FGF12: variants seen among roughly 807,000 people sequenced by gnomAD.
FGF12 encodes fibroblast growth factor 12B.
Under a neutral mutation model 23.6 loss-of-function variants are expected in FGF12, and 14 were observed. That is an observed-to-expected ratio of 0.59 (90% CI 0.39 to 0.93). The LOEUF is 0.93. Ranked by LOEUF, FGF12 falls within the 40% of genes least tolerant of loss-of-function variation. The pLI, the probability that FGF12 is intolerant of heterozygous loss-of-function variation, is 0.00. For synonymous variants in FGF12, 62 were observed against 77.3 expected, an observed-to-expected ratio of 0.80 and a Z score of 1.04; for missense variants, 175 against 217.8, an observed-to-expected ratio of 0.80 and a Z score of 1.24.
chr3:192,159,437 G>A (rs1439093903), intron 5 of FGF12, among the ~76,000 whole-genome samples: 8 of 152,108 alleles, frequency 5.3e-5, no homozygotes, highest in Non-Finnish European at 7.4e-5. Flanking sequence ...TCCTTTGCAG[G>A]AGCCTCCTTT....
chr3:192,219,747 G>A lies in FGF12; in HGVS notation c.229-49091C>T, dbSNP rs147950880. Among the ~76,000 whole-genome samples the A allele has an allele frequency of 2.9e-3, 443 of 152,322 alleles. 1 individual carries two copies. Among genetic ancestry groups the A allele is most frequent in the African/African-American group, 0.01 (432 of 41,582 alleles). On this transcript the variant is annotated intron_variant, in intron 4 of 5. Coordinates refer to ENST00000445105, the MANE Select transcript of FGF12 (RefSeq NM_004113.6). ...GAACAAGTGTTCCATAAATGTGCAT[G>A]TGATTCTGACTCACACTCACATTTG...
In FGF12 at chr3:192,655,118, G is replaced by A. The variant is rs115873675; in HGVS notation, c.13+72063C>T. ...CTTAAAGTCCTATTTTGTATATGGT[G>A]TATAAAACATCGATGACATAAATTC... is the stretch of plus-strand genomic sequence containing the variant. On this transcript the variant is annotated intron_variant, in intron 2 of 5. Coordinates refer to ENST00000445105, the MANE Select transcript of FGF12 (RefSeq NM_004113.6). Among the ~76,000 whole-genome samples, 1,293 of 152,206 alleles carry A rather than the reference G, an allele frequency of 8.5e-3. 15 individuals carry two copies. Among genetic ancestry groups the A allele is most frequent in the African/African-American group, 0.029 (1,221 of 41,492 alleles).
In FGF12 at chr3:192,250,019, T is replaced by G. The variant is rs74735852; in HGVS notation, c.229-79363A>C. 8.9e-3 allele frequency among the ~76,000 whole-genome samples: 1,363 copies of G among 152,300 alleles called. 18 individuals are homozygous for G. The highest frequency in any genetic ancestry group is 0.031 in the African/African-American group (1,291 of 41,570). On this transcript the variant is annotated intron_variant, in intron 4 of 5. Transcript: ENST00000445105. ...TATGGAAGCCATTGCTCTGATATTT[T>G]AAAATACATTTTTAAAACAACCTTA...
At chr3:192,358,905 G>T (rs1187105251) in intron 3 of FGF12, among the ~76,000 whole-genome samples, 1 of 152,082 alleles carries the variant, frequency 6.6e-6, no homozygotes, top group Non-Finnish European at 1.5e-5. Flanking sequence ...AGATTTTATA[G>T]AAATTAAACC....
At chr3:192,482,515 T>C (rs1352369873) in intron 2 of FGF12, among the ~76,000 whole-genome samples, 2 of 152,098 alleles carry the variant, frequency 1.3e-5, no homozygotes, top group East Asian at 3.9e-4. Context: ...ATGCCTGTAA[T>C]CCCAGCTACT....
At position 192,314,621 on chromosome 3, in the gene FGF12, G is replaced by C. The variant is rs559632921; in HGVS notation, c.228+20740C>G. ...GATAAATGTCTATCTTTAGACTTCT[G>C]GGTGTATGAGGAAATCCAAACCTCT... On this transcript the variant is annotated intron_variant, in intron 4 of 5. Coordinates refer to ENST00000445105, the MANE Select transcript of FGF12 (RefSeq NM_004113.6). 1.4e-4 allele frequency among the ~76,000 whole-genome samples: 22 copies of C among 152,286 alleles called. No individual in the cohort carries two copies. In the South Asian group the frequency reaches 4.1e-3, roughly 29 times the overall value.
At chr3:192,341,138 A>G (rs993024521) in intron 3 of FGF12, among the ~76,000 whole-genome samples, 8 of 152,178 alleles carry the variant, frequency 5.3e-5, no homozygotes, top group African/African-American at 1.7e-4. Flanking sequence ...TAAGCCAATT[A>G]AAAAATGGAC....
intron 2 of FGF12, among the ~76,000 whole-genome samples, chr3:192,451,825 C>G (rs1186039120): frequency 2.0e-5 from 3 of 152,166 alleles, no homozygotes; most frequent in Admixed American, 2.0e-4. Context: ...CATTCCGCTA[C>G]TGACGGAACC....
intron 2 of FGF12, among the ~76,000 whole-genome samples, chr3:192,478,526 T>C (rs1289603073): frequency 6.6e-6 from 1 of 152,154 alleles, no homozygotes; most frequent in Non-Finnish European, 1.5e-5. Flanking sequence ...TGTATAATTT[T>C]TGTTTTATAA....
At chr3:192,425,517 T>A (rs1466552706) in intron 2 of FGF12, among the ~76,000 whole-genome samples, 1 of 152,212 alleles carries the variant, frequency 6.6e-6, no homozygotes, top group Non-Finnish European at 1.5e-5. Flanking sequence ...CGATCCTATG[T>A]GTCTACTATC....
intron 2 of FGF12, among the ~76,000 whole-genome samples, chr3:192,405,496 G>A (rs1720922331): frequency 6.6e-6 from 1 of 151,182 alleles, no homozygotes; most frequent in Admixed American, 6.6e-5. Context: ...CAGAAATTCA[G>A]AGTGGAAATT....
chr3:192,524,500 G>A (rs1202767398), intron 2 of FGF12, among the ~76,000 whole-genome samples: 1 of 152,176 alleles, frequency 6.6e-6, no homozygotes, highest in South Asian at 2.1e-4. Context: ...TGTGGGAAAG[G>A]AGGAGAAAAA....
chr3:192,574,448 C>T (rs1712788047), intron 2 of FGF12, among the ~76,000 whole-genome samples: 1 of 152,172 alleles, frequency 6.6e-6, no homozygotes, highest in South Asian at 2.1e-4. Context: ...TAAACTTTTG[C>T]TTAAAGATCA....
intron 2 of FGF12, among the ~76,000 whole-genome samples, chr3:192,495,128 G>A (rs11919092): frequency 6.7e-4 from 102 of 152,150 alleles, no homozygotes; most frequent in African/African-American, 2.4e-3. Context: ...CAAAGTGCTG[G>A]GATTACAGGC....
At chr3:192,458,035 C>T (rs557861411) in intron 2 of FGF12, among the ~76,000 whole-genome samples, 21 of 152,344 alleles carry the variant, frequency 1.4e-4, no homozygotes, top group African/African-American at 4.8e-4. Flanking sequence ...GCCTTGGCAG[C>T]TTCCATGTGG....
chr3:192,271,391 T>C (rs774084235), intron 4 of FGF12, among the ~76,000 whole-genome samples: 4 of 152,224 alleles, frequency 2.6e-5, no homozygotes, highest in Non-Finnish European at 4.4e-5. Context: ...GTGAATCTGA[T>C]TCTCAGCCCA....
chr3:192,678,631 T>C (rs1449280550), intron 2 of FGF12, among the ~76,000 whole-genome samples: 1 of 152,234 alleles, frequency 6.6e-6, no homozygotes, highest in Non-Finnish European at 1.5e-5. Flanking sequence ...AGCTTATATA[T>C]GTGCAAAATT....
At chr3:192,496,702 C>G (rs1723968232) in intron 2 of FGF12, among the ~76,000 whole-genome samples, 1 of 152,110 alleles carries the variant, frequency 6.6e-6, no homozygotes, top group Non-Finnish European at 1.5e-5. Flanking sequence ...AACTGCTCAC[C>G]AGGGTTACCA....
At chr3:192,657,929 T>C (rs367812291) in intron 2 of FGF12, among the ~76,000 whole-genome samples, 1 of 152,102 alleles carries the variant, frequency 6.6e-6, no homozygotes, top group African/African-American at 2.4e-5. Context: ...AAGGCTTTTT[T>C]ACTCTGGGCT....
Sources: allele counts gnomAD v4.1 joint callset (sites outside exome capture counted in the v4.1 genomes callset), GRCh38; gene constraint gnomAD v4.1.1; transcripts MANE v1.5; gene names NCBI Gene and HGNC (gene_info 2026-07-23, HGNC 2026-07-21).